Variants in PALLD observed in about 807,000 individuals in gnomAD.
PALLD encodes palladin.
PALLD carries 61 observed loss-of-function variants against 123.5 expected under a neutral mutation model. That is an observed-to-expected ratio of 0.49 (90% CI 0.40 to 0.61). The LOEUF is 0.61. Ranked by LOEUF, PALLD falls within the 20% of genes least tolerant of loss-of-function variation. The pLI is 0.00. For synonymous variants in PALLD, 465 were observed against 496.4 expected (o/e 0.94, Z 0.84); for missense variants, 1,273 against 1,377.0 (o/e 0.92, Z 1.20).
chr4:168,777,119 C>T (rs892065334), intron 10 of PALLD, among the ~76,000 whole-genome samples: 9 of 151,992 alleles, frequency 5.9e-5, no homozygotes, highest in South Asian at 2.1e-4. Context: ...CACACACACA[C>T]GCCCCACAGT....
chr4:168,850,823 C>T (rs528775748), intron 10 of PALLD, among the ~76,000 whole-genome samples: 25 of 151,992 alleles, frequency 1.6e-4, no homozygotes, highest in South Asian at 8.3e-4. Flanking sequence ...TGAGCCACCG[C>T]GCCCAGCCTA....
chr4:168,761,215 A>C (rs1038552069), intron 10 of PALLD, among the ~76,000 whole-genome samples: 3 of 152,138 alleles, frequency 2.0e-5, no homozygotes, highest in Non-Finnish European at 4.4e-5. Context: ...ACACATTTCC[A>C]TGGAGTATAT....
At chr4:168,787,573 A>T in intron 10 of PALLD, among the ~76,000 whole-genome samples, 1 of 152,242 alleles carries the variant, frequency 6.6e-6, no homozygotes, top group Non-Finnish European at 1.5e-5. Flanking sequence ...CTGAATACCC[A>T]GATGTGGCCA....
intron 10 of PALLD, among the ~76,000 whole-genome samples, chr4:168,757,182 A>G (rs547541557): frequency 6.6e-6 from 1 of 152,234 alleles, no homozygotes; most frequent in Non-Finnish European, 1.5e-5. Flanking sequence ...GTTTCAAGGA[A>G]TTAGCTGTGA....
chr4:168,583,939 T>C (rs17054360), intron 2 of PALLD, among the ~76,000 whole-genome samples: 4,318 of 152,294 alleles, frequency 0.028, 210 homozygotes, highest in African/African-American at 0.098. Flanking sequence ...ATTTTTTCTC[T>C]ACCAGTTCTA....
intron 2 of PALLD, chr4:168,598,501 A>C (rs1325675106): frequency 2.0e-6 from 1 of 500,528 alleles, no homozygotes; most frequent in African/African-American, 2.0e-5. Flanking sequence ...TAGAGAGAGG[A>C]GCAGAGAGAG....
At chr4:168,795,103 T>A (rs561984861) in intron 10 of PALLD, among the ~76,000 whole-genome samples, 2 of 152,252 alleles carry the variant, frequency 1.3e-5, no homozygotes, top group African/African-American at 4.8e-5. Flanking sequence ...AGTTCCACCC[T>A]TGTGACCTAA....
At chr4:168,889,603 C>T (rs1158956088) in intron 10 of PALLD, among the ~76,000 whole-genome samples, 4 of 151,966 alleles carry the variant, frequency 2.6e-5, no homozygotes, top group African/African-American at 9.7e-5. Context: ...CCCATTTGAC[C>T]CTCCCCAATT....
intron 1 of PALLD, among the ~76,000 whole-genome samples, chr4:168,499,324 GAA>G (rs1761135840): frequency 1.4e-5 from 1 of 73,996 alleles, no homozygotes; most frequent in African/African-American, 5.6e-5. Context: ...GGGAGACATG[GAA>G]GAAGGGGGAA....
In PALLD at chr4:168,718,908, AT is replaced by A. The variant is rs55772255; in HGVS notation, c.1964+7002del. ...TCCTTTCTCTATTGTTGCCAATCTA[AT>A]TTTTTTTTTTTTTTTTGAGACGGAG... On this transcript the variant is annotated intron_variant, in intron 10 of 21. Transcript: ENST00000505667. Among the ~76,000 whole-genome samples, 1,289 of 140,204 alleles carry A rather than the reference AT, an allele frequency of 9.2e-3. 10 individuals are homozygous for A. The highest frequency in any genetic ancestry group is 0.029 in the African/African-American group (1,108 of 37,904). 92.0% of individuals were successfully genotyped at this position (140,204 alleles called of 152,430 possible). A position where few individuals can be genotyped will look rare whatever the true frequency, so the allele number is the denominator to read the frequency against.
intron 10 of PALLD, among the ~76,000 whole-genome samples, chr4:168,765,422 A>T (rs184225361): frequency 6.6e-6 from 1 of 150,434 alleles, no homozygotes; most frequent in Admixed American, 6.6e-5. Flanking sequence ...ATGTACTGGA[A>T]ATTCCATCCA....
chr4:168,723,662 A>G (rs952671201), intron 10 of PALLD, among the ~76,000 whole-genome samples: 1 of 152,212 alleles, frequency 6.6e-6, no homozygotes, highest in African/African-American at 2.4e-5. Flanking sequence ...GTGTTGTGCT[A>G]GAGCACACTA....
intron 1 of PALLD, among the ~76,000 whole-genome samples, chr4:168,505,862 G>T (rs1189537482): frequency 6.6e-6 from 1 of 152,124 alleles, no homozygotes; most frequent in African/African-American, 2.4e-5. Context: ...GAAGGGGTTG[G>T]CAATTTTTTC....
chr4:168,739,223 A>G (rs1310215840), intron 10 of PALLD, among the ~76,000 whole-genome samples: 2 of 152,210 alleles, frequency 1.3e-5, no homozygotes, highest in African/African-American at 4.8e-5. Flanking sequence ...TGCTGCAGTA[A>G]ACATGGAGGC....
chr4:168,504,221 G>A (rs62333823), intron 1 of PALLD, among the ~76,000 whole-genome samples: 11,047 of 152,280 alleles, frequency 0.073, 561 homozygotes, highest in Non-Finnish European at 0.11. Context: ...AAGCATGACT[G>A]TAAGATGGGC....
At chr4:168,837,975 A>C (rs1386720608) in intron 10 of PALLD, among the ~76,000 whole-genome samples, 1 of 152,222 alleles carries the variant, frequency 6.6e-6, no homozygotes, top group Non-Finnish European at 1.5e-5. Context: ...AGCATGAGGA[A>C]TGCCAGGTTG....
chr4:168,736,307 GTA>G, intron 10 of PALLD, among the ~76,000 whole-genome samples: 1 of 152,180 alleles, frequency 6.6e-6, no homozygotes, highest in African/African-American at 2.4e-5. Flanking sequence ...CACACAGTGT[GTA>G]TGTATTGGTA....
At chr4:168,753,865 C>T (rs1581281179) in intron 10 of PALLD, among the ~76,000 whole-genome samples, 2 of 152,164 alleles carry the variant, frequency 1.3e-5, no homozygotes, top group African/African-American at 2.4e-5. Flanking sequence ...CAGAGCCAGA[C>T]CCCCCAGCTA....
chr4:168,725,618 C>G (rs1169626257), intron 10 of PALLD, among the ~76,000 whole-genome samples: 1 of 150,196 alleles, frequency 6.7e-6, no homozygotes, highest in Non-Finnish European at 1.5e-5. Context: ...GCTCCGCCTC[C>G]CGGGTTCACG....
Sources: allele counts gnomAD v4.1 joint callset (sites outside exome capture counted in the v4.1 genomes callset), GRCh38; gene constraint gnomAD v4.1.1; transcripts MANE v1.5; gene names NCBI Gene and HGNC (gene_info 2026-07-23, HGNC 2026-07-21).